Variants in GRM1 observed in about 807,000 individuals in gnomAD.
The protein encoded by GRM1 is metabotropic glutamate receptor 1.
Under a neutral mutation model 90.9 loss-of-function variants are expected in GRM1, and 33 were observed. The observed-to-expected ratio is 0.36, with a 90% CI of 0.28 to 0.49. The LOEUF (loss-of-function observed/expected upper bound fraction) is 0.49. GRM1 is among the 20% of genes least tolerant of loss of function. The pLI is 0.99. For missense variants in GRM1, 1,190 were observed against 1,534.3 expected (o/e 0.78, Z 3.75); for synonymous variants, 700 against 613.2 (o/e 1.14, Z -2.09).
intron 2 of GRM1, among the ~76,000 whole-genome samples, chr6:146,256,787 A>G (rs929850603): frequency 2.7e-4 from 41 of 152,126 alleles, no homozygotes; most frequent in African/African-American, 9.9e-4. Context: ...GTCCTATACA[A>G]TGCTGCTTGT....
intron 2 of GRM1, among the ~76,000 whole-genome samples, chr6:146,182,182 T>C (rs1048765015): frequency 6.6e-6 from 1 of 152,126 alleles, no homozygotes; most frequent in East Asian, 1.9e-4. Flanking sequence ...AAAAATTATT[T>C]TGTGGTGCAC....
intron 1 of GRM1, among the ~76,000 whole-genome samples, chr6:146,052,576 T>C (rs1775333470): frequency 6.6e-6 from 1 of 151,992 alleles, no homozygotes; most frequent in South Asian, 2.1e-4. Flanking sequence ...CCCATCCCAC[T>C]CAGCCATGGG....
In GRM1 at chr6:146,201,060, G is replaced by A. The variant is rs530642750; in HGVS notation, c.950+41463G>A. The stretch of plus-strand genomic sequence containing the variant: ...TCTGAGTGGTGCATTTCATGGCTGC[G>A]AAAGGTCTTGCATTTTCAAACTTCT... On this transcript the variant is annotated intron_variant, in intron 2 of 7. Coordinates refer to ENST00000282753, the MANE Select transcript of GRM1 (RefSeq NM_001278064.2). Among the ~76,000 whole-genome samples the A allele has an allele frequency of 3.8e-4, 58 of 152,250 alleles. No homozygotes were observed. The South Asian group carries it at 4.6e-3, about 12-fold the overall frequency.
At chr6:146,132,073 C>T (rs1776419433) in intron 1 of GRM1, among the ~76,000 whole-genome samples, 1 of 152,160 alleles carries the variant, frequency 6.6e-6, no homozygotes, top group African/African-American at 2.4e-5. Flanking sequence ...AAAGTGAACT[C>T]ACAGAGCGGA....
At chr6:146,175,410 C>T (rs9497469) in intron 2 of GRM1, among the ~76,000 whole-genome samples, 37,334 of 152,028 alleles carry the variant, frequency 0.25, 7,939 homozygotes, top group African/African-American at 0.58. Context: ...TTGTTACAAC[C>T]TCTACTTTCC....
chr6:146,097,199 G>A (rs1776902720), intron 1 of GRM1, among the ~76,000 whole-genome samples: 1 of 152,074 alleles, frequency 6.6e-6, no homozygotes, highest in Non-Finnish European at 1.5e-5. Context: ...GGTTTCCAAA[G>A]TAAATTATGA....
At chr6:146,063,921 A>G (rs1258294112) in intron 1 of GRM1, among the ~76,000 whole-genome samples, 1 of 152,162 alleles carries the variant, frequency 6.6e-6, no homozygotes, top group African/African-American at 2.4e-5. Flanking sequence ...AAGAGATGCA[A>G]AGTCACAGAA....
intron 2 of GRM1, among the ~76,000 whole-genome samples, chr6:146,200,631 C>A (rs1583155781): frequency 6.6e-6 from 1 of 152,042 alleles, no homozygotes; most frequent in East Asian, 1.9e-4. Flanking sequence ...ACTTCTGGGA[C>A]CCCCTGTGAT....
intron 6 of GRM1, among the ~76,000 whole-genome samples, chr6:146,391,748 T>G (rs903480801): frequency 6.6e-6 from 1 of 151,996 alleles, no homozygotes; most frequent in African/African-American, 2.4e-5. Flanking sequence ...AATCTAAAAC[T>G]TTTAAGAAAC....
intron 2 of GRM1, among the ~76,000 whole-genome samples, chr6:146,248,106 C>G (rs1781136543): frequency 1.3e-5 from 2 of 151,838 alleles, no homozygotes; most frequent in African/African-American, 4.8e-5. Context: ...GCTTAGTAAG[C>G]CTTCCTCCTT....
chr6:146,386,765 A>T, intron 5 of GRM1, 125 bp from the exon 6 acceptor site: 1 of 718,548 alleles, frequency 1.4e-6, no homozygotes, highest in Middle Eastern at 3.3e-4. Flanking sequence ...ATTCCTCAGC[A>T]TATAAGATTA....
intron 5 of GRM1, among the ~76,000 whole-genome samples, chr6:146,377,696 G>A (rs1038940297): frequency 6.6e-6 from 1 of 152,140 alleles, no homozygotes; most frequent in African/African-American, 2.4e-5. Flanking sequence ...CAAGACTATG[G>A]GGAAAATGTC....
At position 146,434,885 on chromosome 6, in the gene GRM1, G is replaced by C; in HGVS notation, c.*89G>C. ...CAAACAGCTGGGAGGAAAAGCCTGGGAGTGGGGGGCCTCGTCGGGAGGACA... is the reference window on the plus strand; with the variant it reads ...CAAACAGCTGGGAGGAAAAGCCTGGCAGTGGGGGGCCTCGTCGGGAGGACA... On this transcript the variant is annotated 3_prime_UTR_variant, in exon 8 of 8. Transcript: ENST00000282753. 3 of 1,170,882 alleles carry C rather than the reference G, an allele frequency of 2.6e-6. No individual in the cohort carries two copies. Among genetic ancestry groups the C allele is most frequent in the South Asian group, 1.2e-5 (1 of 81,006 alleles). 72.5% of individuals were successfully genotyped at this position (1,170,882 alleles called of 1,614,324 possible). A position where few individuals can be genotyped will look rare whatever the true frequency, so the allele number is the denominator to read the frequency against.
rs1363988141 is a variant in GRM1, at chr6:146,029,323, T to A, written c.-195T>A. ...CGCCTCCAGCTTGTAGAGGCGGTCG[T>A]GGAGGACCCAGAGGAGGAGACGAAG... On this transcript the variant is annotated 5_prime_UTR_variant, in exon 1 of 8. Transcript: ENST00000282753. 1.6e-6 allele frequency: 1 copy of A among 621,982 alleles called. No individual in the cohort carries two copies. The highest frequency in any genetic ancestry group is 1.8e-5 in the African/African-American group (1 of 54,410). The allele number at this position is 621,982 out of a possible 1,614,324, so 38.5% of individuals were successfully genotyped here.
chr6:146,415,916 C>A (rs1295554898), intron 7 of GRM1, among the ~76,000 whole-genome samples: 1 of 152,150 alleles, frequency 6.6e-6, no homozygotes, highest in Non-Finnish European at 1.5e-5. Context: ...AAATATTAAT[C>A]AAACCCTGAA....
At chr6:146,362,169 A>G (rs1241220584) in intron 5 of GRM1, among the ~76,000 whole-genome samples, 1 of 152,176 alleles carries the variant, frequency 6.6e-6, no homozygotes, top group Non-Finnish European at 1.5e-5. Context: ...GGTTGCAGTA[A>G]GAGAATAGAG....
rs543227448 is a variant in GRM1, at chr6:146,197,256, G to A, written c.950+37659G>A. ...GTTAATGCCAATAGGGCTCTGTATT[G>A]GTCTTATTGAAAAAAGGATCCAAGG... On this transcript the variant is annotated intron_variant, in intron 2 of 7. Transcript: ENST00000282753. 7.2e-5 allele frequency among the ~76,000 whole-genome samples: 11 copies of A among 152,172 alleles called. No homozygotes were observed. The East Asian group carries it at 2.1e-3, about 29-fold the overall frequency.
intron 7 of GRM1, among the ~76,000 whole-genome samples, chr6:146,424,551 CAAATT>C (rs1778127513): frequency 6.6e-6 from 1 of 152,218 alleles, no homozygotes. Flanking sequence ...TTGCAAAACA[CAAATT>C]AAAAGATAAC....
chr6:146,130,824 C>T (rs1776374243), intron 1 of GRM1, among the ~76,000 whole-genome samples: 1 of 152,138 alleles, frequency 6.6e-6, no homozygotes, highest in Non-Finnish European at 1.5e-5. Flanking sequence ...TCTCAAGTTC[C>T]TTCTAATTTC....
Sources: gnomAD v4.1 joint callset for allele counts (sites outside exome capture counted in the v4.1 genomes callset) on GRCh38, gnomAD v4.1.1 for gene constraint, MANE v1.5 for transcripts, NCBI Gene and HGNC (gene_info 2026-07-23, HGNC 2026-07-21) for gene names.